The following MGAT4C variants were observed in gnomAD, a reference collection of about 807,000 sequenced individuals.
MGAT4C encodes the protein alpha-1,3-mannosyl-glycoprotein 4-beta-N-acetylglucosaminyltransferase C.
A neutral mutation model predicts 40.1 loss-of-function variants in MGAT4C; 19 were observed. The ratio of observed to expected loss-of-function variants is 0.47; its 90% confidence interval spans 0.33 to 0.70. The LOEUF (loss-of-function observed/expected upper bound fraction) is 0.70, where lower values mean the gene tolerates loss of function less well. Among genes scored for constraint, MGAT4C ranks in the 30% least tolerant of loss-of-function variants. The probability of loss-of-function intolerance (pLI) is 0.02; values close to 1 mark genes in which losing one functional copy is unlikely to be tolerated. For synonymous variants in MGAT4C, 181 were observed against 187.1 expected (o/e 0.97, Z 0.27); for missense variants, 491 against 563.2 (o/e 0.87, Z 1.30).
chr12:86,470,460 C>A (rs77528478), intron 2 of MGAT4C, among the ~76,000 whole-genome samples: 1 of 152,008 alleles, frequency 6.6e-6, no homozygotes, highest in Admixed American at 6.6e-5. Context: ...CCACTCCCTT[C>A]CCCCAACACC....
intron 1 of MGAT4C, among the ~76,000 whole-genome samples, chr12:86,136,720 C>T (rs577443868): frequency 1.3e-5 from 2 of 152,058 alleles, no homozygotes; most frequent in African/African-American, 4.8e-5. Context: ...TGGAGTTTTG[C>T]TCTTGTCATC....
chr12:86,774,346 TCTCTCTCCCC>T lies in MGAT4C; in HGVS notation c.-261-47115_-261-47106del, dbSNP rs1565981712. ...TTCTTTCTTTCTTTCTTTCTGTCTC[TCTCTCTCCCC>T]TCTCTCTCTCTCTCTTTCTGTCTGT... is the stretch of plus-strand genomic sequence containing the variant. On this transcript the variant is annotated intron_variant, in intron 1 of 7. Transcript: ENST00000548651. Among the ~76,000 whole-genome samples the T allele has an allele frequency of 1.3e-3, 116 of 88,232 alleles. 2 individuals carry two copies. The highest frequency in any genetic ancestry group is 3.3e-3 in the African/African-American group (83 of 25,172). 57.9% of individuals were successfully genotyped at this position (88,232 alleles called of 152,430 possible).
At chr12:86,356,549 G>C (rs144706301) in intron 3 of MGAT4C, among the ~76,000 whole-genome samples, 1 of 152,094 alleles carries the variant, frequency 6.6e-6, no homozygotes, top group Admixed American at 6.6e-5. Flanking sequence ...AGCACAAGGC[G>C]TCTGGGAATT....
At chr12:86,769,713 T>G (rs1358488606) in intron 1 of MGAT4C, among the ~76,000 whole-genome samples, 1 of 151,984 alleles carries the variant, frequency 6.6e-6, no homozygotes, top group Admixed American at 6.6e-5. Flanking sequence ...ATGTCCTTTG[T>G]AGGGACATGG....
intron 1 of MGAT4C, among the ~76,000 whole-genome samples, chr12:86,759,392 A>C (rs928661038): frequency 2.0e-5 from 3 of 151,962 alleles, no homozygotes; most frequent in African/African-American, 7.2e-5. Flanking sequence ...TTTCCTTTGG[A>C]TATATATCAA....
intron 2 of MGAT4C, among the ~76,000 whole-genome samples, chr12:86,026,047 T>C (rs1890211737): frequency 6.6e-6 from 1 of 151,818 alleles, no homozygotes; most frequent in South Asian, 2.1e-4. Context: ...GATGGTGTAT[T>C]TGTGTCACCT....
rs114956496 is a variant in MGAT4C at position 86,083,815 on chromosome 12, A to C, written c.-56-34092T>G. Among the ~76,000 whole-genome samples the C allele has an allele frequency of 1.8e-3, 273 of 152,224 alleles. 2 individuals carry two copies. The highest frequency in any genetic ancestry group is 6.3e-3 in the African/African-American group (262 of 41,560). On this transcript the variant is annotated intron_variant, in intron 1 of 4. Transcript: ENST00000611864. The stretch of plus-strand genomic sequence containing the variant: ...ATTTCTCTGGTAGCTTATGAGCAAT[A>C]TGAATCTCTAGAATCTAAGGTTGGC...
chr12:86,040,883 T>C (rs1360747757), intron 2 of MGAT4C, among the ~76,000 whole-genome samples: 2 of 152,172 alleles, frequency 1.3e-5, no homozygotes, highest in African/African-American at 4.8e-5. Context: ...GCACAGTATC[T>C]GGGCCGGAGT....
intron 4 of MGAT4C, among the ~76,000 whole-genome samples, chr12:86,303,468 C>T (rs139606577): frequency 6.7e-6 from 1 of 149,860 alleles, no homozygotes; most frequent in African/African-American, 2.5e-5. Context: ...CTATTAATAT[C>T]TCTTCCTACC....
rs564910820 is a variant in MGAT4C at position 86,007,469 on chromosome 12, T to C, written c.-6-17917A>G. On this transcript the variant is annotated intron_variant, in intron 2 of 4. Coordinates refer to ENST00000611864, the MANE Select transcript of MGAT4C (RefSeq NM_001351288.2). Reference sequence around the variant, plus strand: ...ATGATCTGGTAGTGTATCATAAGATTTACCAAAAGGTCTAATGGGCTCATA... The same window carrying C: ...ATGATCTGGTAGTGTATCATAAGATCTACCAAAAGGTCTAATGGGCTCATA... Among the ~76,000 whole-genome samples the C allele has an allele frequency of 2.6e-5, 4 of 152,220 alleles. No homozygotes were observed. In the East Asian group the frequency reaches 7.7e-4, roughly 29 times the overall value.
chr12:86,627,806 T>G (rs1962871472), intron 2 of MGAT4C, among the ~76,000 whole-genome samples: 1 of 150,864 alleles, frequency 6.6e-6, no homozygotes, highest in Non-Finnish European at 1.5e-5. Flanking sequence ...GCAGAAAAGC[T>G]GAAAATTCTA....
intron 1 of MGAT4C, among the ~76,000 whole-genome samples, chr12:86,747,791 G>A (rs969713230): frequency 6.6e-6 from 1 of 151,258 alleles, no homozygotes; most frequent in African/African-American, 2.4e-5. Context: ...TTAAAAAAAA[G>A]CTGGTAATAA....
chr12:86,021,294 TTTA>T (rs1889705375), intron 2 of MGAT4C, among the ~76,000 whole-genome samples: 1 of 152,032 alleles, frequency 6.6e-6, no homozygotes, highest in African/African-American at 2.4e-5. Flanking sequence ...CACACGTATG[TTTA>T]TTGCGGCACT....
At chr12:86,401,291 T>TGG (rs1157124348) in intron 3 of MGAT4C, among the ~76,000 whole-genome samples, 5 of 150,946 alleles carry the variant, frequency 3.3e-5, no homozygotes, top group Middle Eastern at 3.4e-3. Context: ...TATGTGGGTG[T>TGG]GTGTGTGTGT....
At chr12:86,777,695 G>C (rs1401492504) in intron 1 of MGAT4C, among the ~76,000 whole-genome samples, 1 of 152,146 alleles carries the variant, frequency 6.6e-6, no homozygotes, top group African/African-American at 2.4e-5. Context: ...ATGCATTTCA[G>C]CCCAGGAGGA....
At chr12:85,997,091 A>T (rs556910726) in intron 2 of MGAT4C, among the ~76,000 whole-genome samples, 15 of 152,334 alleles carry the variant, frequency 9.8e-5, no homozygotes, top group African/African-American at 3.6e-4. Flanking sequence ...CACATGGCTG[A>T]GGAGGCCTCA....
chr12:86,744,883 TA>T (rs1274209255), intron 1 of MGAT4C, among the ~76,000 whole-genome samples: 3 of 151,428 alleles, frequency 2.0e-5, no homozygotes, highest in Admixed American at 1.3e-4. Flanking sequence ...ACCCGACAAT[TA>T]AAAAAATTGA....
chr12:86,698,557 A>C (rs1015943259), intron 2 of MGAT4C, among the ~76,000 whole-genome samples: 11 of 152,156 alleles, frequency 7.2e-5, no homozygotes, highest in African/African-American at 2.7e-4. Flanking sequence ...AATTACAATT[A>C]GTACATTTAT....
chr12:86,744,192 T>C (rs911373141), intron 1 of MGAT4C, among the ~76,000 whole-genome samples: 17 of 151,454 alleles, frequency 1.1e-4, no homozygotes, highest in African/African-American at 4.1e-4. Context: ...AAGGGCTAAT[T>C]TATGGCCAGT....
Sources: allele counts gnomAD v4.1 joint callset (sites outside exome capture counted in the v4.1 genomes callset), GRCh38; gene constraint gnomAD v4.1.1; transcripts MANE v1.5; gene names NCBI Gene and HGNC (gene_info 2026-07-23, HGNC 2026-07-21).